CHD8: variants seen among roughly 807,000 people sequenced by gnomAD.
CHD8 encodes ATP-dependent chromatin remodeler CHD8.
In CHD8, 31 loss-of-function variants were observed where a neutral mutation model predicts 279.2. That is an observed-to-expected ratio of 0.11 (90% CI 0.08 to 0.15). The LOEUF is 0.15. Among genes scored for constraint, CHD8 ranks in the 10% least tolerant of loss-of-function variants. The pLI is 1.00. For synonymous variants in CHD8, 1,081 were observed against 1,139.6 expected, an observed-to-expected ratio of 0.95 and a Z score of 1.04; for missense variants, 2,146 against 3,230.5, an observed-to-expected ratio of 0.66 and a Z score of 8.14.
Position 21,385,977 on chromosome 14 carries a change from C to A in CHD8, c.7382G>T (p.Gly2461Val). 6.4e-7 allele frequency: 1 copy of A among 1,574,452 alleles called. No homozygotes were observed. Residue 2461 changes from glycine (G) to valine (V), a missense_variant, in exon 38 of 38, where the codon GGT (glycine) becomes GTT (valine). Around this residue, in one of 26 missense-constraint regions of CHD8, gnomAD observed 336 missense variants for 392.9 expected, o/e 0.86. Transcript: ENST00000646647. ...AGATGCAGAAGTGGCACTGCTGTGA[C>A]CCAAAGATGACACAGACTGTAGGCC... ...SSGLQSVSSL[G>V]HSSATSASLP... is the part of the protein sequence containing the mutation.
At chr14:21,445,245 TTTAA>T (rs2139567781) in intron 1 of CHD8, among the ~76,000 whole-genome samples, 1 of 152,356 alleles carries the variant, frequency 6.6e-6, no homozygotes, top group East Asian at 1.9e-4. Context: ...ATTCTGCCAC[TTTAA>T]TTCTTACTTA....
At position 21,385,438 on chromosome 14, in the gene CHD8, C is replaced by T; in HGVS notation, c.*175G>A. The T allele has an allele frequency of 9.3e-7, 1 of 1,075,736 alleles. No homozygotes were observed. The highest frequency in any genetic ancestry group is 1.3e-6 in the Non-Finnish European group (1 of 777,978). The allele number at this position is 1,075,736 out of a possible 1,614,324, so 66.6% of individuals were successfully genotyped here. Reference sequence around the variant, plus strand: ...TATTTTAGGAGTTCCCCTGCCCACCCAATCCTCTCATAATTGGGAGCAATC... The same window carrying T: ...TATTTTAGGAGTTCCCCTGCCCACCTAATCCTCTCATAATTGGGAGCAATC... On this transcript the variant is annotated 3_prime_UTR_variant, in exon 38 of 38. Transcript: ENST00000646647.
chr14:21,403,287 T>TGCTAAGCAGAAGTGGAG lies in CHD8; in HGVS notation c.3519-76_3519-75insCTCCACTTCTGCTTAGC. 1 of 1,430,520 alleles carries TGCTAAGCAGAAGTGGAG rather than the reference T, an allele frequency of 7.0e-7. No individual in the cohort carries two copies. The highest frequency in any genetic ancestry group is 9.6e-7 in the Non-Finnish European group (1 of 1,037,238). 88.6% of individuals were successfully genotyped at this position (1,430,520 alleles called of 1,614,324 possible). ...GACCAAAACAGCAGGCTAGGATCAA[T>TGCTAAGCAGAAGTGGAG]ACCAGTACTCCCATATCAAAGCTGG... On this transcript the variant is annotated intron_variant, in intron 17 of 37. Transcript: ENST00000646647. This position sits in a 1 kb window ranked among gnomAD's most constrained non-coding sequence, Gnocchi z 4.3.
At chr14:21,452,619 G>T (rs1179780594) in intron 1 of CHD8, among the ~76,000 whole-genome samples, 1 of 152,050 alleles carries the variant, frequency 6.6e-6, no homozygotes, top group East Asian at 1.9e-4. Context: ...GCTCCAGCCT[G>T]GGAGACACAG....
intron 34 of CHD8, chr14:21,392,248 C>G: frequency 1.3e-6 from 1 of 758,670 alleles, no homozygotes; most frequent in Non-Finnish European, 2.4e-6. Context: ...CAACTCATCA[C>G]AGGGGCAAAA....
rs767836300 is a variant in CHD8 at position 21,429,124 on chromosome 14, T to C, written c.1055A>G (p.Gln352Arg). Residue 352 changes from glutamine to arginine, a missense_variant, in exon 3 of 38, where the codon CAG becomes CGG. Coordinates refer to ENST00000646647, the MANE Select transcript of CHD8 (RefSeq NM_001170629.2). ...LQVQQPQQKI[Q>R]IVPQPPSSQP... Reference sequence around the variant, plus strand: ...CGATGATGGTGGTTGTGGTACAATCTGGATTTTTTGCTGTGGCTGCTGCAC... The same window carrying C: ...CGATGATGGTGGTTGTGGTACAATCCGGATTTTTTGCTGTGGCTGCTGCAC... 1.2e-6 allele frequency: 2 copies of C among 1,613,984 alleles called. No individual in the cohort carries two copies. Among genetic ancestry groups the C allele is most frequent in the South Asian group, 2.2e-5 (2 of 91,080 alleles).
At chr14:21,415,252 T>G (rs763629980) in intron 7 of CHD8, 26 of 463,468 alleles carry the variant, frequency 5.6e-5, no homozygotes, top group Non-Finnish European at 9.1e-5. Flanking sequence ...TCCTCCATCA[T>G]CTCTCACAAC....
Position 21,429,205 on chromosome 14 carries a change from G to A in CHD8, c.974C>T (p.Thr325Ile), listed in dbSNP as rs756469422. Residue 325 changes from threonine (T) to isoleucine (I), a missense_variant, in exon 3 of 38, where the codon ACT (threonine) becomes ATT (isoleucine). Physicochemically the swap from Thr to Ile is moderately conservative, Grantham distance 89 (BLOSUM62 -1). This residue lies in a region of CHD8 where 170 missense variants were observed against 189.9 expected (regional missense o/e 0.90). Transcript: ENST00000646647. ...VLQGNQLAAL[T>I]QAKNAQGQPA... The stretch of plus-strand genomic sequence containing the variant: ...CTGCCCTTGGGCATTCTTGGCTTGA[G>A]TCAGGGCTGCCAGCTGGTTGCCCTG... 1 of 1,614,028 alleles carries A rather than the reference G, an allele frequency of 6.2e-7. No homozygotes were observed. Among genetic ancestry groups the A allele is most frequent in the Non-Finnish European group, 8.5e-7 (1 of 1,179,892 alleles).
intron 25 of CHD8, 74 bp downstream of exon 25, chr14:21,399,906 TA>T: frequency 7.8e-7 from 1 of 1,274,266 alleles, no homozygotes; most frequent in Non-Finnish European, 1.1e-6. Flanking sequence ...AAAGATAGCA[TA>T]AAATGAAATA....
At chr14:21,434,588 A>G (rs1461221430) in intron 1 of CHD8, among the ~76,000 whole-genome samples, 1 of 151,828 alleles carries the variant, frequency 6.6e-6, no homozygotes. Flanking sequence ...AGATCAATGC[A>G]TTGTCATTTA....
At chr14:21,421,093 T>C (rs1889022908) in intron 5 of CHD8, among the ~76,000 whole-genome samples, 1 of 152,132 alleles carries the variant, frequency 6.6e-6, no homozygotes, top group Non-Finnish European at 1.5e-5. Flanking sequence ...AAAAATCAAA[T>C]GGCAAATGGT....
intron 1 of CHD8, chr14:21,436,863 C>A (rs1322003098): frequency 2.4e-6 from 2 of 832,720 alleles, no homozygotes; most frequent in African/African-American, 5.9e-5. Context: ...GAGGAAAACG[C>A]GACTGGGGTG....
At chr14:21,399,241 AG>A (rs1887928619) in intron 26 of CHD8, 2 of 297,716 alleles carry the variant, frequency 6.7e-6, no homozygotes. Flanking sequence ...GCACATCCAG[AG>A]GAAAGTCATA....
In CHD8 at chr14:21,405,288, T is replaced by C. The variant is rs745875883; in HGVS notation, c.3228A>G (p.Ala1076=). 6.2e-7 allele frequency: 1 copy of C among 1,612,910 alleles called. No individual in the cohort carries two copies. The highest frequency in any genetic ancestry group is 1.1e-5 in the South Asian group (1 of 90,796). The change falls in exon 16 of 38, where the codon GCA becomes GCG. Residue 1076 remains alanine (A), a synonymous_variant. Transcript: ENST00000646647. This position sits in a 1 kb window ranked among gnomAD's most constrained non-coding sequence, Gnocchi z 4.2. ...GTAGATTAGGCATGTTGGTATGACC[T>C]GCCCCTTTGGAAAGGAAGGAGAAAT... is the stretch of plus-strand genomic sequence containing the variant. ...EKNFSFLSKG[A]GHTNMPNLLN... is the part of the protein sequence containing the mutation.
Position 21,391,845 on chromosome 14 carries a change from C to T in CHD8, c.6873G>A (p.Lys2291=). 1.2e-6 allele frequency: 2 copies of T among 1,611,296 alleles called. No individual in the cohort carries two copies. Among genetic ancestry groups the T allele is most frequent in the Non-Finnish European group, 1.7e-6 (2 of 1,177,434 alleles). ...CTCTACCACTCACCTCTACTAGCTT[C>T]TTTCTGTTCCCCTTCTTCTTATGAA... is the stretch of plus-strand genomic sequence containing the variant. ...PLFHKKKGNR[K]KLVELEVECM... Residue 2291 remains lysine, a synonymous_variant, in exon 35 of 38, where the codon AAG becomes AAA. Coordinates refer to ENST00000646647, the MANE Select transcript of CHD8 (RefSeq NM_001170629.2).
rs1327641434 is a variant in CHD8 at position 21,428,148 on chromosome 14, C to A, written c.1322G>T (p.Gly441Val). Reference sequence around the variant, plus strand: ...GTTTTCCTCCATTCCTGTCTTTCCCCCCGAATGAGGAGCAGAGCTTGCTGG... The same window carrying A: ...GTTTTCCTCCATTCCTGTCTTTCCCACCGAATGAGGAGCAGAGCTTGCTGG... ...SSPASSAPHS[G>V]GKTGMEENRR... is the part of the protein sequence containing the mutation. Residue 441 changes from glycine (G) to valine (V), a missense_variant, in exon 4 of 38, where the codon GGG becomes GTG. Coordinates refer to ENST00000646647, the MANE Select transcript of CHD8 (RefSeq NM_001170629.2). 1 of 1,614,010 alleles carries A rather than the reference C, an allele frequency of 6.2e-7. No individual in the cohort carries two copies. Among genetic ancestry groups the A allele is most frequent in the Admixed American group, 1.7e-5 (1 of 60,016 alleles).
chr14:21,454,958 G>A (rs887328022), intron 1 of CHD8: 4 of 152,192 alleles, frequency 2.6e-5, no homozygotes, highest in African/African-American at 9.7e-5. Context: ...CTTTCGATAT[G>A]TAATGTGCCC....
intron 35 of CHD8, 83 bp downstream of exon 35, chr14:21,391,750 C>G: frequency 6.6e-7 from 1 of 1,513,218 alleles, no homozygotes; most frequent in African/African-American, 1.4e-5. Context: ...ATTTTCCATT[C>G]CCCCAGTCCC....
chr14:21,388,791 A>G (rs1372363669), intron 37 of CHD8, among the ~76,000 whole-genome samples: 1 of 152,086 alleles, frequency 6.6e-6, no homozygotes, highest in Admixed American at 6.6e-5. Context: ...GCTCTACACC[A>G]TTTTATATAT....
Sources: gnomAD v4.1 joint callset for allele counts (sites outside exome capture counted in the v4.1 genomes callset) on GRCh38, gnomAD v4.1.1 for gene constraint, gnomAD v4.1.1 regional missense constraint, Gnocchi (gnomAD v3.1) non-coding constraint, MANE v1.5 for transcripts, NCBI Gene and HGNC (gene_info 2026-07-23, HGNC 2026-07-21) for gene names.